The following CHRM3 variants were observed in gnomAD, a reference collection of about 807,000 sequenced individuals.
The protein encoded by CHRM3 is muscarinic acetylcholine receptor M3.
In CHRM3, 11 loss-of-function variants were observed where a neutral mutation model predicts 41.8. The ratio of observed to expected loss-of-function variants is 0.26; its 90% CI spans 0.17 to 0.44. CHRM3 has a LOEUF of 0.44. Among genes scored for constraint, CHRM3 ranks in the 20% least tolerant of loss-of-function variants. The probability of loss-of-function intolerance (pLI) is 1.00; values close to 1 mark genes in which losing one functional copy is unlikely to be tolerated. For synonymous variants in CHRM3, 297 were observed against 301.4 expected (o/e 0.99, Z 0.15); for missense variants, 571 against 745.4 (o/e 0.77, Z 2.72).
At position 239,387,098 on chromosome 1, in the gene CHRM3, C is replaced by A. The variant is rs529689342; in HGVS notation, c.-650C>A. On this transcript the variant is annotated 5_prime_UTR_variant, in exon 1 of 7. Coordinates refer to ENST00000676153, the MANE Select transcript of CHRM3 (RefSeq NM_001375978.1). This position sits in a 1 kb window ranked among gnomAD's most constrained non-coding sequence, Gnocchi z 5.1. ...AAGGGCGGCTCCGGGCAGGGGGGCA[C>A]GATCTTAAGGACAGTCGCTCCCTGA... The A allele has an allele frequency of 7.0e-4, 106 of 152,238 alleles. 1 individual carries two copies. Among genetic ancestry groups the A allele is most frequent in the African/African-American group, 2.5e-3 (104 of 41,524 alleles). 9.4% of individuals were successfully genotyped at this position (152,238 alleles called of 1,614,324 possible).
chr1:239,400,146 T>C (rs1197534850), intron 1 of CHRM3, among the ~76,000 whole-genome samples: 3 of 152,204 alleles, frequency 2.0e-5, no homozygotes, highest in Non-Finnish European at 4.4e-5. Flanking sequence ...TGGCCTTAAG[T>C]GATCCGCCCA....
intron 4 of CHRM3, among the ~76,000 whole-genome samples, chr1:239,641,139 A>G (rs1364995577): frequency 1.3e-5 from 2 of 152,096 alleles, no homozygotes; most frequent in Admixed American, 1.3e-4. Flanking sequence ...ACAGTTTGTT[A>G]TAATTTCTGT....
intron 6 of CHRM3, among the ~76,000 whole-genome samples, chr1:239,858,118 G>T (rs1675275452): frequency 6.6e-6 from 1 of 152,178 alleles, no homozygotes; most frequent in Admixed American, 6.5e-5. Flanking sequence ...TTCACTTAAT[G>T]ATGCACTAAT....
chr1:239,641,108 G>C (rs529893192), intron 4 of CHRM3, among the ~76,000 whole-genome samples: 2 of 152,292 alleles, frequency 1.3e-5, no homozygotes, highest in East Asian at 3.9e-4. Flanking sequence ...CTTCTAGTTT[G>C]ATTGCACTGT....
At chr1:239,415,914 A>C (rs1661462990) in intron 1 of CHRM3, among the ~76,000 whole-genome samples, 1 of 152,218 alleles carries the variant, frequency 6.6e-6, no homozygotes, top group Non-Finnish European at 1.5e-5. Context: ...GAAGTGCTTA[A>C]TTTTAATGTT....
chr1:239,573,776 A>G (rs904374411), intron 3 of CHRM3, among the ~76,000 whole-genome samples: 63 of 152,264 alleles, frequency 4.1e-4, no homozygotes, highest in African/African-American at 1.5e-3. Flanking sequence ...GTGTATATAT[A>G]GTATAATTAT....
chr1:239,452,189 C>T (rs1042646524), intron 1 of CHRM3, among the ~76,000 whole-genome samples: 10 of 152,118 alleles, frequency 6.6e-5, no homozygotes, highest in Non-Finnish European at 1.5e-4. Context: ...TACTTACTGA[C>T]TGAATGATTT....
chr1:239,568,810 C>T (rs1661588164), intron 3 of CHRM3, among the ~76,000 whole-genome samples: 1 of 152,058 alleles, frequency 6.6e-6, no homozygotes, highest in South Asian at 2.1e-4. Context: ...ATAAATAATC[C>T]CCAAGGAAGA....
At chr1:239,898,243 AAG>A (rs530136429) in intron 6 of CHRM3, 2 of 152,228 alleles carry the variant, frequency 1.3e-5, no homozygotes, top group Non-Finnish European at 2.9e-5. Context: ...AGCTAAGCTG[AAG>A]TTCCTGGTCA....
chr1:239,854,499 A>G (rs776702080), intron 6 of CHRM3, among the ~76,000 whole-genome samples: 5 of 152,118 alleles, frequency 3.3e-5, no homozygotes, highest in Non-Finnish European at 5.9e-5. Flanking sequence ...TGAAACTACA[A>G]GTGAGAAAAG....
intron 3 of CHRM3, among the ~76,000 whole-genome samples, chr1:239,627,331 CT>C (rs1478092974): frequency 1.6e-5 from 2 of 128,004 alleles, no homozygotes; most frequent in African/African-American, 6.0e-5. Flanking sequence ...CAACCCCTGC[CT>C]TTTTTTGTTT....
intron 2 of CHRM3, among the ~76,000 whole-genome samples, chr1:239,506,532 A>G (rs769372234): frequency 3.3e-5 from 5 of 152,172 alleles, no homozygotes; most frequent in Non-Finnish European, 5.9e-5. Context: ...ATGTATGGAA[A>G]TGCCTGGATG....
intron 4 of CHRM3, among the ~76,000 whole-genome samples, chr1:239,643,819 G>A (rs1671475725): frequency 2.0e-5 from 3 of 152,282 alleles, no homozygotes; most frequent in East Asian, 1.9e-4. Flanking sequence ...AGATGAACCC[G>A]GGACCTCAGG....
At chr1:239,657,708 T>G (rs1476436800) in intron 4 of CHRM3, among the ~76,000 whole-genome samples, 2 of 152,240 alleles carry the variant, frequency 1.3e-5, no homozygotes. Flanking sequence ...ATTTTGATCC[T>G]GTGATTTGAA....
chr1:239,519,301 C>CTAAACTAAAATTCTAAATT (rs1439992728), intron 2 of CHRM3, among the ~76,000 whole-genome samples: 1 of 152,064 alleles, frequency 6.6e-6, no homozygotes, highest in African/African-American at 2.4e-5. Flanking sequence ...CTCTAGGAAA[C>CTAAACTAAAATTCTAAATT]TAAACTAAAA....
rs1469836300 is a variant in CHRM3, at chr1:239,909,015, C to T, written c.1564C>T (p.Pro522Ser). 1.2e-6 allele frequency: 2 copies of T among 1,614,024 alleles called. No individual in the cohort carries two copies. Among genetic ancestry groups the T allele is most frequent in the African/African-American group, 1.3e-5 (1 of 74,906 alleles). ...GAACACCTTTTGTGACAGCTGCATA[C>T]CCAAAACCTTTTGGAATCTGGGCTA... is the stretch of plus-strand genomic sequence containing the variant. ...LVNTFCDSCI[P>S]KTFWNLGYWL... is the part of the protein sequence containing the mutation. Residue 522 changes from proline to serine, a missense_variant, in exon 7 of 7, where the codon CCC becomes TCC. Pro to Ser is a moderately conservative substitution (Grantham distance 74). Transcript: ENST00000676153.
chr1:239,528,212 C>T (rs1670132048), intron 2 of CHRM3, among the ~76,000 whole-genome samples: 1 of 152,122 alleles, frequency 6.6e-6, no homozygotes, highest in African/African-American at 2.4e-5. Flanking sequence ...ATAGACAGAC[C>T]TCTTTGTGTG....
intron 1 of CHRM3, among the ~76,000 whole-genome samples, chr1:239,475,306 TCAA>T (rs1222133902): frequency 6.6e-6 from 1 of 152,108 alleles, no homozygotes; most frequent in Non-Finnish European, 1.5e-5. Context: ...TATATTGACA[TCAA>T]CAGTATTATA....
At chr1:239,717,467 GCACACACA>G (rs3063637) in intron 5 of CHRM3, among the ~76,000 whole-genome samples, 1 of 150,456 alleles carries the variant, frequency 6.6e-6, no homozygotes, top group African/African-American at 2.4e-5. Flanking sequence ...AGACACACAC[GCACACACA>G]CACACACACA....
Sources: allele counts gnomAD v4.1 joint callset (sites outside exome capture counted in the v4.1 genomes callset), GRCh38; gene constraint gnomAD v4.1.1; non-coding constraint Gnocchi (gnomAD v3.1); transcripts MANE v1.5; gene names NCBI Gene and HGNC (gene_info 2026-07-23, HGNC 2026-07-21).